ANKRD55: variants seen among roughly 807,000 people sequenced by gnomAD.
The protein encoded by ANKRD55 is ankyrin repeat domain-containing protein 55.
A neutral mutation model predicts 60.6 loss-of-function variants in ANKRD55; 41 were observed. That is an observed-to-expected ratio of 0.68 (90% CI 0.53 to 0.88). The LOEUF (loss-of-function observed/expected upper bound fraction) is 0.88, where lower values mean the gene tolerates loss of function less well. Ranked by LOEUF, ANKRD55 falls within the 40% of genes least tolerant of loss-of-function variation. ANKRD55 has a pLI of 0.00. For missense variants in ANKRD55, 732 were observed against 767.6 expected, an observed-to-expected ratio of 0.95 and a Z score of 0.55; for synonymous variants, 264 against 290.3, an observed-to-expected ratio of 0.91 and a Z score of 0.92.
chr5:56,118,969 G>C (rs2111697472), intron 8 of ANKRD55, among the ~76,000 whole-genome samples: 1 of 152,296 alleles, frequency 6.6e-6, no homozygotes, highest in East Asian at 1.9e-4. Context: ...ATACATTCCT[G>C]GTGGGAATGT....
At position 56,116,714 on chromosome 5, in the gene ANKRD55, A is replaced by G. The variant is rs767831535; in HGVS notation, c.866T>C (p.Met289Thr). The change falls in exon 9 of 12, where the codon ATG becomes ACG. Residue 289 changes from methionine (M) to threonine (T), a missense_variant. Transcript: ENST00000341048. ...ATTGATGTCCCGCAGGTTGCTGTCC[A>G]TTCCCAACTCCAGCAGTGACTGGAC... ...ECVQSLLELG[M>T]DSNLRDINES... 13 of 1,614,040 alleles carry G rather than the reference A, an allele frequency of 8.1e-6. No homozygotes were observed. In the South Asian group the frequency reaches 8.8e-5, roughly 11 times the overall value.
chr5:56,138,178 A>T (rs1401271327), intron 7 of ANKRD55, among the ~76,000 whole-genome samples: 1 of 132,550 alleles, frequency 7.5e-6, no homozygotes, highest in Non-Finnish European at 1.5e-5. Context: ...CCCAGGTTGG[A>T]GTGCAATGGC....
chr5:56,193,988 A>C (rs1430609427), intron 2 of ANKRD55, among the ~76,000 whole-genome samples: 1 of 152,194 alleles, frequency 6.6e-6, no homozygotes, highest in Non-Finnish European at 1.5e-5. Flanking sequence ...CTAAAACTAC[A>C]CTGCACCATA....
At chr5:56,136,833 A>T (rs957750408) in intron 7 of ANKRD55, 5 of 341,856 alleles carry the variant, frequency 1.5e-5, no homozygotes, top group Non-Finnish European at 2.9e-5. Context: ...AAGTGGAAGG[A>T]TCACTTGAGA....
intron 6 of ANKRD55, among the ~76,000 whole-genome samples, 155 bp from the exon 7 acceptor site, chr5:56,144,084 T>C (rs183499586): frequency 2.4e-4 from 36 of 152,356 alleles, no homozygotes; most frequent in Admixed American, 1.5e-3. Context: ...ATTCATTCCA[T>C]AGATGTTTAT....
At chr5:56,188,362 C>G (rs1420547690) in intron 2 of ANKRD55, among the ~76,000 whole-genome samples, 1 of 132,720 alleles carries the variant, frequency 7.5e-6, no homozygotes, top group African/African-American at 3.3e-5. Context: ...CGCCACCCCC[C>G]TACAACCAAA....
chr5:56,164,583 C>T (rs1383116545), intron 5 of ANKRD55, among the ~76,000 whole-genome samples: 1 of 152,200 alleles, frequency 6.6e-6, no homozygotes, highest in African/African-American at 2.4e-5. Flanking sequence ...TTCAGAGAGC[C>T]CCGTGGCTGC....
chr5:56,182,353 T>A (rs747337430), intron 3 of ANKRD55, among the ~76,000 whole-genome samples: 2 of 152,246 alleles, frequency 1.3e-5, no homozygotes, highest in Non-Finnish European at 2.9e-5. Context: ...TTCCTTTGCA[T>A]CCTCATTCTG....
At chr5:56,182,291 C>T (rs1758866343) in intron 3 of ANKRD55, among the ~76,000 whole-genome samples, 1 of 152,066 alleles carries the variant, frequency 6.6e-6, no homozygotes, top group African/African-American at 2.4e-5. Context: ...TTCAGATTAC[C>T]TATTTCTTAT....
intron 5 of ANKRD55, among the ~76,000 whole-genome samples, chr5:56,161,089 AGT>A (rs1224294721): frequency 6.6e-6 from 1 of 152,158 alleles, no homozygotes; most frequent in Non-Finnish European, 1.5e-5. Context: ...TTATTTCTAG[AGT>A]GCTTAACCCC....
chr5:56,144,136 C>T (rs1366130317), intron 6 of ANKRD55, among the ~76,000 whole-genome samples: 1 of 152,118 alleles, frequency 6.6e-6, no homozygotes, highest in African/African-American at 2.4e-5. Context: ...GTTCAGGATA[C>T]AAAAGTTAAT....
In ANKRD55 at chr5:56,134,935, G is replaced by A. The variant is rs77396418; in HGVS notation, c.613-7829C>T. On this transcript the variant is annotated intron_variant, in intron 7 of 11. Coordinates refer to ENST00000341048, the MANE Select transcript of ANKRD55 (RefSeq NM_024669.3). ...TAGGATTTATCCAAGGTATGCAAGT[G>A]TAGCTCAACATTTTCAAATCAATTA... is the stretch of plus-strand genomic sequence containing the variant. Among the ~76,000 whole-genome samples, 1,126 of 152,296 alleles carry A rather than the reference G, an allele frequency of 7.4e-3. 13 individuals are homozygous for A. Among genetic ancestry groups the A allele is most frequent in the African/African-American group, 0.026 (1,085 of 41,552 alleles).
At chr5:56,161,917 T>C (rs1758342100) in intron 5 of ANKRD55, 1 of 952,420 alleles carries the variant, frequency 1.0e-6, no homozygotes, top group African/African-American at 1.8e-5. Flanking sequence ...TTTTTATCTT[T>C]GCAATTATTT....
intron 6 of ANKRD55, among the ~76,000 whole-genome samples, chr5:56,156,274 A>T (rs1176919967): frequency 6.6e-6 from 1 of 152,230 alleles, no homozygotes; most frequent in Non-Finnish European, 1.5e-5. Flanking sequence ...TTCTGGGCTT[A>T]AAACCCAACG....
At chr5:56,156,814 C>T (rs1442353672) in intron 6 of ANKRD55, 1 of 152,204 alleles carries the variant, frequency 6.6e-6, no homozygotes, top group Non-Finnish European at 1.5e-5. Context: ...TGAGGTTTTG[C>T]TTTAAACCAC....
At chr5:56,188,950 T>C (rs1039832403) in intron 2 of ANKRD55, among the ~76,000 whole-genome samples, 17 of 152,124 alleles carry the variant, frequency 1.1e-4, no homozygotes, top group African/African-American at 4.1e-4. Flanking sequence ...CTAGTAGCCA[T>C]ATTGAGGGCA....
intron 5 of ANKRD55, among the ~76,000 whole-genome samples, chr5:56,170,255 A>G (rs1039802237): frequency 6.6e-6 from 1 of 152,180 alleles, no homozygotes; most frequent in Non-Finnish European, 1.5e-5. Flanking sequence ...ATTAGAAATG[A>G]TCTTATTTAT....
At chr5:56,128,170 A>G (rs1465681987) in intron 7 of ANKRD55, among the ~76,000 whole-genome samples, 1 of 152,220 alleles carries the variant, frequency 6.6e-6, no homozygotes, top group African/African-American at 2.4e-5. Context: ...AGAAGCAAAA[A>G]GAGTGTCAGC....
intron 2 of ANKRD55, among the ~76,000 whole-genome samples, chr5:56,228,596 T>C (rs1055640010): frequency 6.6e-6 from 1 of 152,036 alleles, no homozygotes; most frequent in African/African-American, 2.4e-5. Flanking sequence ...CAGCTAATTT[T>C]TTATTTTTAC....
Sources: gnomAD v4.1 joint callset for allele counts (sites outside exome capture counted in the v4.1 genomes callset) on GRCh38, gnomAD v4.1.1 for gene constraint, MANE v1.5 for transcripts, NCBI Gene and HGNC (gene_info 2026-07-23, HGNC 2026-07-21) for gene names.